Variants in CSMD1 observed in about 807,000 individuals in gnomAD.
CSMD1 encodes CUB and Sushi multiple domains 1.
In CSMD1, 213 loss-of-function variants were observed where a neutral mutation model predicts 417.5. The observed-to-expected ratio is 0.51, with a 90% CI of 0.46 to 0.57. CSMD1 has a LOEUF of 0.57. Among genes scored for constraint, CSMD1 ranks in the 20% least tolerant of loss-of-function variants. The pLI is 0.00. For synonymous variants in CSMD1, 2,862 were observed against 1,736.8 expected (o/e 1.65, Z -16.11); for missense variants, 6,923 against 4,529.7 (o/e 1.53, Z -15.17).
chr8:3,894,619 C>T (rs1031315844), intron 5 of CSMD1, among the ~76,000 whole-genome samples: 1 of 152,086 alleles, frequency 6.6e-6, no homozygotes, highest in African/African-American at 2.4e-5. Flanking sequence ...AAAATAAATG[C>T]TCAGTGCTAA....
intron 3 of CSMD1, among the ~76,000 whole-genome samples, chr8:4,346,773 G>A (rs140030634): frequency 2.0e-5 from 3 of 152,058 alleles, no homozygotes; most frequent in African/African-American, 7.2e-5. Context: ...AAATTCAAAG[G>A]AGACAAGTCA....
At chr8:3,070,271 C>A (rs183544988) in intron 49 of CSMD1, among the ~76,000 whole-genome samples, 1 of 152,334 alleles carries the variant, frequency 6.6e-6, no homozygotes, top group East Asian at 1.9e-4. Flanking sequence ...TAACAAGTAG[C>A]TGCTCCACAG....
intron 23 of CSMD1, among the ~76,000 whole-genome samples, chr8:3,319,845 T>G (rs763972037): frequency 9.8e-5 from 15 of 152,328 alleles, no homozygotes; most frequent in Non-Finnish European, 1.9e-4. Context: ...TAAATCTCAG[T>G]AATGCTTATA....
chr8:3,877,642 T>G (rs935409597), intron 5 of CSMD1, among the ~76,000 whole-genome samples: 1 of 151,794 alleles, frequency 6.6e-6, no homozygotes, highest in Admixed American at 6.6e-5. Context: ...CTCCTTACAG[T>G]AGAATGTCTA....
intron 7 of CSMD1, among the ~76,000 whole-genome samples, chr8:3,623,945 C>G (rs557733025): frequency 9.3e-4 from 141 of 152,010 alleles, no homozygotes; most frequent in African/African-American, 3.3e-3. Context: ...CCACTGCACT[C>G]CAGCCTGGGT....
At chr8:3,342,046 T>C (rs764787896) in intron 23 of CSMD1, among the ~76,000 whole-genome samples, 3 of 152,190 alleles carry the variant, frequency 2.0e-5, no homozygotes, top group Non-Finnish European at 2.9e-5. Flanking sequence ...TAATTATAGG[T>C]TGATCTTGTA....
chr8:4,990,585 C>G (rs1246779808), intron 1 of CSMD1, among the ~76,000 whole-genome samples: 1 of 152,090 alleles, frequency 6.6e-6, no homozygotes, highest in Non-Finnish European at 1.5e-5. Context: ...AGCTGGTCTC[C>G]TGACCTTTGA....
intron 1 of CSMD1, among the ~76,000 whole-genome samples, chr8:4,849,421 C>T (rs901166392): frequency 6.6e-6 from 1 of 151,820 alleles, no homozygotes; most frequent in African/African-American, 2.4e-5. Context: ...TGTAAGTTTG[C>T]TATACCCTCA....
At chr8:3,916,956 C>A (rs1345116531) in intron 5 of CSMD1, among the ~76,000 whole-genome samples, 1 of 152,208 alleles carries the variant, frequency 6.6e-6, no homozygotes, top group African/African-American at 2.4e-5. Context: ...TCCTTCTCCT[C>A]CAATTTATTA....
chr8:3,188,570 G>T (rs745983969), intron 35 of CSMD1, among the ~76,000 whole-genome samples: 1 of 151,998 alleles, frequency 6.6e-6, no homozygotes, highest in African/African-American at 2.4e-5. Context: ...GCTTCCCAAA[G>T]TGCTGGGACT....
chr8:4,376,462 A>T (rs1802746535), intron 3 of CSMD1, among the ~76,000 whole-genome samples: 1 of 152,184 alleles, frequency 6.6e-6, no homozygotes, highest in Non-Finnish European at 1.5e-5. Flanking sequence ...CTGTAGAAAC[A>T]TCATTTAGAA....
At chr8:4,324,025 T>TA (rs1799417138) in intron 3 of CSMD1, among the ~76,000 whole-genome samples, 1 of 152,200 alleles carries the variant, frequency 6.6e-6, no homozygotes, top group Non-Finnish European at 1.5e-5. Context: ...GCCACACCCT[T>TA]AGCAGGCCAG....
intron 1 of CSMD1, among the ~76,000 whole-genome samples, chr8:4,862,507 T>A (rs1254331419): frequency 1.3e-5 from 2 of 152,098 alleles, no homozygotes; most frequent in Non-Finnish European, 2.9e-5. Context: ...CAGTGAAATA[T>A]CATCGTGGTT....
chr8:4,548,182 G>A (rs139533565), intron 2 of CSMD1, among the ~76,000 whole-genome samples: 1 of 152,300 alleles, frequency 6.6e-6, no homozygotes, highest in African/African-American at 2.4e-5. Context: ...AAGAGCTTAT[G>A]TTGGGCCTAA....
intron 3 of CSMD1, among the ~76,000 whole-genome samples, chr8:4,316,252 T>C (rs1277854936): frequency 2.0e-5 from 3 of 152,192 alleles, no homozygotes; most frequent in African/African-American, 7.2e-5. Flanking sequence ...GTAGTGATTT[T>C]TCATCCTCGA....
At position 4,813,559 on chromosome 8, in the gene CSMD1, G is replaced by A. The variant is rs376030628; in HGVS notation, c.86-176001C>T. Among the ~76,000 whole-genome samples the A allele has an allele frequency of 6.6e-4, 101 of 152,232 alleles. 3 individuals are homozygous for A. In the South Asian group the frequency reaches 0.019, roughly 29 times the overall value. On this transcript the variant is annotated intron_variant, in intron 1 of 69. Coordinates refer to ENST00000635120, the MANE Select transcript of CSMD1 (RefSeq NM_033225.6). The stretch of plus-strand genomic sequence containing the variant: ...GTGAATGTGTTAACTCTTTCCAGAA[G>A]CCCTAGAGAAACATGTTCATCAAAG...
intron 5 of CSMD1, among the ~76,000 whole-genome samples, chr8:3,868,856 G>A (rs904474970): frequency 3.9e-5 from 6 of 152,116 alleles, no homozygotes; most frequent in African/African-American, 1.4e-4. Context: ...ATTTTCTCAG[G>A]CTGGACTGTT....
At chr8:4,993,929 G>C (rs557934696) in intron 1 of CSMD1, among the ~76,000 whole-genome samples, 5 of 152,216 alleles carry the variant, frequency 3.3e-5, no homozygotes, top group Non-Finnish European at 2.9e-5. Context: ...CAGGCGCGTC[G>C]GGTCCGGGGA....
At chr8:4,423,057 T>A (rs1797338965) in intron 2 of CSMD1, among the ~76,000 whole-genome samples, 1 of 151,778 alleles carries the variant, frequency 6.6e-6, no homozygotes, top group Non-Finnish European at 1.5e-5. Context: ...TCTACAAAAA[T>A]AAAAAAAATT....
Sources: gnomAD v4.1 joint callset for allele counts (sites outside exome capture counted in the v4.1 genomes callset) on GRCh38, gnomAD v4.1.1 for gene constraint, MANE v1.5 for transcripts, NCBI Gene and HGNC (gene_info 2026-07-23, HGNC 2026-07-21) for gene names.